The following GSE1 variants were observed in gnomAD, a reference collection of about 807,000 sequenced individuals.
GSE1 encodes the protein Gse1 coiled-coil protein, also known as genetic suppressor element 1.
In GSE1, 32 loss-of-function variants were observed where a neutral mutation model predicts 112.6. That is an observed-to-expected ratio of 0.28 (90% confidence interval 0.21 to 0.38). GSE1 has a LOEUF of 0.38. Among genes scored for constraint, GSE1 ranks in the 10% least tolerant of loss-of-function variants. GSE1 has a pLI of 1.00. For synonymous variants in GSE1, 1,115 were observed against 735.6 expected, an observed-to-expected ratio of 1.52 and a Z score of -8.35; for missense variants, 2,348 against 1,699.2, an observed-to-expected ratio of 1.38 and a Z score of -6.71.
chr16:85,418,920 G>C (rs2048763495), intron 2 of GSE1, among the ~76,000 whole-genome samples: 2 of 152,174 alleles, frequency 1.3e-5, no homozygotes, highest in South Asian at 4.1e-4. Context: ...CTCCAAGTCT[G>C]TTGACTTGAG....
At chr16:85,634,308 C>T (rs1345597626) in intron 2 of GSE1, among the ~76,000 whole-genome samples, 176 bp downstream of exon 2, 1 of 152,254 alleles carries the variant, frequency 6.6e-6, no homozygotes, top group Non-Finnish European at 1.5e-5. Flanking sequence ...CCGCCTGCCC[C>T]AGCACCTCCG....
At chr16:85,385,321 C>T (rs958239846) in intron 2 of GSE1, among the ~76,000 whole-genome samples, 1 of 152,226 alleles carries the variant, frequency 6.6e-6, no homozygotes, top group African/African-American at 2.4e-5. Flanking sequence ...CTGCCCCTTG[C>T]CCCTGACGCC....
Position 85,246,234 on chromosome 16 carries a change from C to CACAA in GSE1, c.2283+74430_2283+74431insAACA, listed in dbSNP as rs1399880575. The stretch of plus-strand genomic sequence containing the variant: ...ACACACACACACACACACACACACA[C>CACAA]ACACGCACACCACACGCTGTCTACA... On this transcript the variant is annotated intron_variant, in intron 1 of 2. Coordinates refer to the GSE1 transcript ENST00000637419. Among the ~76,000 whole-genome samples, 99 of 141,882 alleles carry CACAA rather than the reference C, an allele frequency of 7.0e-4. 1 individual carries two copies. The East Asian group carries it at 0.02, about 28-fold the overall frequency. 93.1% of individuals were successfully genotyped at this position (141,882 alleles called of 152,430 possible).
intron 1 of GSE1, among the ~76,000 whole-genome samples, chr16:85,292,209 G>A (rs138981343): frequency 0.16 from 24,149 of 151,314 alleles, 2,073 homozygotes; most frequent in African/African-American, 0.2. Context: ...CGCAATCTTG[G>A]CTCACTGCAT....
At chr16:85,246,849 C>T (rs1223970809) in intron 1 of GSE1, among the ~76,000 whole-genome samples, 1 of 152,124 alleles carries the variant, frequency 6.6e-6, no homozygotes, top group African/African-American at 2.4e-5. Flanking sequence ...GAAATCAGCC[C>T]CTTTGTCACG....
At chr16:85,632,193 G>C (rs1430237310) in intron 1 of GSE1, among the ~76,000 whole-genome samples, 3 of 152,234 alleles carry the variant, frequency 2.0e-5, no homozygotes, top group Non-Finnish European at 4.4e-5. Context: ...AGACAGGCTA[G>C]GTGGGGCCCG....
chr16:85,613,255 C>T, upstream of GSE1: 17 of 1,521,992 alleles, frequency 1.1e-5, no homozygotes, highest in South Asian at 3.7e-5. Flanking sequence ...TTGGCCGGGG[C>T]CCCGGAAGCT....
At chr16:85,603,770 AT>A (rs1405481026) in intron 1 of GSE1, among the ~76,000 whole-genome samples, 3 of 152,178 alleles carry the variant, frequency 2.0e-5, no homozygotes, top group African/African-American at 7.2e-5. Flanking sequence ...GCCTCCCAAA[AT>A]GCTGAGATTA....
chr16:85,188,517 G>C (rs2074755851), intron 1 of GSE1, among the ~76,000 whole-genome samples: 1 of 152,042 alleles, frequency 6.6e-6, no homozygotes. Context: ...CAGGTTATGG[G>C]AAAGAGCTAG....
intron 1 of GSE1, among the ~76,000 whole-genome samples, chr16:85,620,386 T>C (rs994753102): frequency 4.6e-5 from 7 of 152,222 alleles, no homozygotes; most frequent in African/African-American, 1.7e-4. Context: ...TATCTTTGAG[T>C]GTATTTTTGT....
intron 2 of GSE1, among the ~76,000 whole-genome samples, chr16:85,480,224 C>G (rs2050628645): frequency 6.6e-6 from 1 of 152,262 alleles, no homozygotes. Flanking sequence ...GCTCCAGAAT[C>G]TACAGCGTGA....
chr16:85,340,009 T>C (rs1047702665), intron 1 of GSE1, among the ~76,000 whole-genome samples: 5 of 152,186 alleles, frequency 3.3e-5, no homozygotes, highest in Admixed American at 3.3e-4. Context: ...GGTCCCCACC[T>C]CTCTCAGCAC....
chr16:85,503,486 A>G (rs889716983), intron 2 of GSE1, among the ~76,000 whole-genome samples: 1 of 152,124 alleles, frequency 6.6e-6, no homozygotes, highest in Non-Finnish European at 1.5e-5. Flanking sequence ...CAGAGCCTCC[A>G]CAAAATTACA....
At chr16:85,433,837 A>G (rs922062629) in intron 2 of GSE1, among the ~76,000 whole-genome samples, 13 of 151,472 alleles carry the variant, frequency 8.6e-5, no homozygotes, top group South Asian at 2.1e-4. Flanking sequence ...TGGATGGTGG[A>G]TAGATGTTGG....
At chr16:85,439,398 T>G (rs4783203) in intron 2 of GSE1, among the ~76,000 whole-genome samples, 117,671 of 152,244 alleles carry the variant, frequency 0.77, 45,684 homozygotes, top group African/African-American at 0.83. Context: ...CTCTCAGCCT[T>G]GGAGGCTGGG....
intron 1 of GSE1, among the ~76,000 whole-genome samples, chr16:85,274,582 G>A (rs900879112): frequency 2.6e-5 from 4 of 152,330 alleles, no homozygotes; most frequent in East Asian, 1.9e-4. Flanking sequence ...ATGGGCAGCC[G>A]TCGAGGCCTC....
At chr16:85,310,415 G>A (rs901335559) in intron 1 of GSE1, among the ~76,000 whole-genome samples, 3 of 152,062 alleles carry the variant, frequency 2.0e-5, no homozygotes, top group Admixed American at 6.5e-5. Flanking sequence ...TGTCATTGTC[G>A]GCTGCCTTCC....
In GSE1 at chr16:85,665,838, C is replaced by T. The variant is rs1208150786; in HGVS notation, c.2759-138C>T. 5 of 779,788 alleles carry T rather than the reference C, an allele frequency of 6.4e-6. No individual in the cohort carries two copies. The African/African-American group carries it at 8.7e-5, about 14-fold the overall frequency. The allele number at this position is 779,788 out of a possible 1,614,324, so 48.3% of individuals were successfully genotyped here. ...AGAATAGCCATGTGCGCGGCGGTTA[C>T]TTAAATGTTCCCCGGGTCTTGGTTC... On this transcript the variant is annotated intron_variant, in intron 12 of 15. Coordinates refer to ENST00000253458, the MANE Select transcript of GSE1 (RefSeq NM_014615.5).
At chr16:85,202,800 C>T (rs1425641978) in intron 1 of GSE1, among the ~76,000 whole-genome samples, 1 of 152,220 alleles carries the variant, frequency 6.6e-6, no homozygotes, top group Non-Finnish European at 1.5e-5. Flanking sequence ...CTTCCAGGCC[C>T]AGCGTGGAGC....
Sources: gnomAD v4.1 joint callset for allele counts (sites outside exome capture counted in the v4.1 genomes callset) on GRCh38, gnomAD v4.1.1 for gene constraint, MANE v1.5 for transcripts, NCBI Gene and HGNC (gene_info 2026-07-23, HGNC 2026-07-21) for gene names.